MYRIP: variants seen among roughly 807,000 people sequenced by gnomAD.
MYRIP encodes rab effector MyRIP.
Under a neutral mutation model 98.0 loss-of-function variants are expected in MYRIP, and 49 were observed. The ratio of observed to expected loss-of-function variants is 0.50; its 90% CI spans 0.40 to 0.63. The LOEUF is 0.63. Among genes scored for constraint, MYRIP ranks in the 30% least tolerant of loss-of-function variants. MYRIP has a pLI of 0.00. For synonymous variants in MYRIP, 404 were observed against 409.5 expected (o/e 0.99, Z 0.16); for missense variants, 1,004 against 1,058.2 (o/e 0.95, Z 0.71).
At chr3:39,923,217 G>A (rs1314145306) in intron 2 of MYRIP, among the ~76,000 whole-genome samples, 1 of 151,978 alleles carries the variant, frequency 6.6e-6, no homozygotes, top group Admixed American at 6.6e-5. Context: ...TATAATACAG[G>A]ATCTAAATTT....
At chr3:39,809,188 G>C (rs1268676124), upstream of MYRIP, among the ~76,000 whole-genome samples, 5 of 152,178 alleles carry the variant, frequency 3.3e-5, no homozygotes, top group East Asian at 7.8e-4. Flanking sequence ...ATTACTCTAC[G>C]GTCACTGAGG....
chr3:39,950,739 C>G (rs1425156538), intron 2 of MYRIP, among the ~76,000 whole-genome samples: 1 of 152,170 alleles, frequency 6.6e-6, no homozygotes, highest in Admixed American at 6.6e-5. Flanking sequence ...TAGACTCCAG[C>G]TTGATAACGG....
At chr3:40,148,893 A>G (rs1559421291) in intron 3 of MYRIP, among the ~76,000 whole-genome samples, 1 of 152,188 alleles carries the variant, frequency 6.6e-6, no homozygotes, top group Non-Finnish European at 1.5e-5. Context: ...TTCCCAATAG[A>G]CCTCTCTTTT....
At chr3:39,957,072 G>A (rs1004615016) in intron 2 of MYRIP, among the ~76,000 whole-genome samples, 1 of 151,732 alleles carries the variant, frequency 6.6e-6, no homozygotes, top group African/African-American at 2.4e-5. Context: ...AGGACCAGAT[G>A]GATTCACAGC....
At chr3:40,153,105 C>G (rs571863417) in intron 4 of MYRIP, among the ~76,000 whole-genome samples, 2 of 150,406 alleles carry the variant, frequency 1.3e-5, no homozygotes, top group South Asian at 4.3e-4. Flanking sequence ...GGTGACAGAG[C>G]AAGACCCTGT....
chr3:39,950,905 T>C (rs1305471858), intron 2 of MYRIP, among the ~76,000 whole-genome samples: 3 of 152,200 alleles, frequency 2.0e-5, no homozygotes. Flanking sequence ...ATCTTGGCAT[T>C]CTTTTATTTT....
At chr3:40,071,063 C>A in intron 3 of MYRIP, 1 of 870,510 alleles carries the variant, frequency 1.1e-6, no homozygotes, top group Non-Finnish European at 1.4e-6. Context: ...GATGCATTTG[C>A]CTTTTGACAT....
At chr3:40,019,007 T>C (rs1172052540) in intron 2 of MYRIP, among the ~76,000 whole-genome samples, 1 of 152,200 alleles carries the variant, frequency 6.6e-6, no homozygotes, top group African/African-American at 2.4e-5. Context: ...TTACCTGGTC[T>C]TCCCTGATGC....
chr3:39,841,915 C>A (rs1344176235), intron 1 of MYRIP, among the ~76,000 whole-genome samples: 1 of 152,192 alleles, frequency 6.6e-6, no homozygotes, highest in Non-Finnish European at 1.5e-5. Flanking sequence ...AGGTGTCTCC[C>A]AGTCAGGAGG....
chr3:40,134,474 A>G, intron 3 of MYRIP, among the ~76,000 whole-genome samples: 1 of 152,242 alleles, frequency 6.6e-6, no homozygotes, highest in Non-Finnish European at 1.5e-5. Flanking sequence ...ACAGACAAAC[A>G]AAAGACAGCA....
chr3:39,959,919 C>A (rs1232113081), intron 2 of MYRIP, among the ~76,000 whole-genome samples: 1 of 152,104 alleles, frequency 6.6e-6, no homozygotes, highest in South Asian at 2.1e-4. Flanking sequence ...TAGTGCCCCC[C>A]ATGTGAGCAG....
intron 2 of MYRIP, among the ~76,000 whole-genome samples, chr3:39,941,317 C>T (rs1222176971): frequency 6.6e-6 from 1 of 151,916 alleles, no homozygotes; most frequent in Non-Finnish European, 1.5e-5. Flanking sequence ...AGTAAAAATT[C>T]ACTCATTACT....
At chr3:40,146,898 G>A (rs1343646417) in intron 3 of MYRIP, among the ~76,000 whole-genome samples, 1 of 152,152 alleles carries the variant, frequency 6.6e-6, no homozygotes, top group African/African-American at 2.4e-5. Context: ...TCCAGTAGTA[G>A]AACTTTGGGT....
At chr3:40,072,982 A>G (rs1417852891) in intron 3 of MYRIP, among the ~76,000 whole-genome samples, 1 of 152,192 alleles carries the variant, frequency 6.6e-6, no homozygotes. Context: ...ATCATTTTTG[A>G]AAAAGGTATA....
At chr3:40,244,333 G>A (rs1345131081) in intron 12 of MYRIP, 113 bp from the exon 13 acceptor site, 5 of 855,328 alleles carry the variant, frequency 5.8e-6, no homozygotes, top group Non-Finnish European at 3.4e-6. Context: ...CATCCCCCCT[G>A]CAATGTGAAG....
intron 1 of MYRIP, among the ~76,000 whole-genome samples, chr3:39,822,867 T>TC (rs1941144733): frequency 9.7e-6 from 1 of 103,322 alleles, no homozygotes; most frequent in Non-Finnish European, 2.2e-5. Context: ...AGGATTTGAT[T>TC]CTTTTTTTTT....
At chr3:39,991,520 T>C (rs1254011308) in intron 2 of MYRIP, among the ~76,000 whole-genome samples, 1 of 152,216 alleles carries the variant, frequency 6.6e-6, no homozygotes, top group Non-Finnish European at 1.5e-5. Flanking sequence ...TTCTAATTAT[T>C]TTACTACCTT....
At chr3:40,210,370 C>T (rs575822945) in intron 11 of MYRIP, among the ~76,000 whole-genome samples, 13 of 152,282 alleles carry the variant, frequency 8.5e-5, no homozygotes, top group African/African-American at 3.1e-4. Context: ...TTTAGTGCCC[C>T]TTATCCCTCT....
intron 5 of MYRIP, among the ~76,000 whole-genome samples, chr3:40,164,565 GAATA>G (rs1950464519): frequency 6.6e-6 from 1 of 152,222 alleles, no homozygotes; most frequent in African/African-American, 2.4e-5. Flanking sequence ...CACATCTAAA[GAATA>G]CCTTCATGGC....
Sources: allele counts gnomAD v4.1 joint callset (sites outside exome capture counted in the v4.1 genomes callset), GRCh38; gene constraint gnomAD v4.1.1; transcripts MANE v1.5; gene names NCBI Gene and HGNC (gene_info 2026-07-23, HGNC 2026-07-21).